The following MRI1 variants were observed in gnomAD, a reference collection of about 807,000 sequenced individuals.
MRI1 encodes methylthioribose-1-phosphate isomerase.
A neutral mutation model predicts 27.3 loss-of-function variants in MRI1; 32 were observed. That is an observed-to-expected ratio of 1.17 (90% CI 0.88 to 1.57). The LOEUF (loss-of-function observed/expected upper bound fraction) is 1.57, where lower values mean the gene tolerates loss of function less well. MRI1 is among the 40% of genes most tolerant of loss of function. The probability of loss-of-function intolerance (pLI) is 0.00; values close to 1 mark genes in which losing one functional copy is unlikely to be tolerated. For synonymous variants in MRI1, 216 were observed against 227.4 expected, an observed-to-expected ratio of 0.95 and a Z score of 0.45; for missense variants, 508 against 516.1, an observed-to-expected ratio of 0.98 and a Z score of 0.15.
intron 5 of MRI1, 22 bp downstream of exon 5, chr19:13,769,070 G>A (rs1340440946): frequency 6.3e-7 from 1 of 1,581,802 alleles, no homozygotes; most frequent in Non-Finnish European, 8.6e-7. Flanking sequence ...CCTCAGAAAG[G>A]GGACACCCCA....
intron 3 of MRI1, chr19:13,768,222 G>A: frequency 1.5e-6 from 1 of 678,514 alleles, no homozygotes; most frequent in Non-Finnish European, 2.7e-6. Context: ...CATAGAAAAG[G>A]GGGGCTGCCT....
chr19:13,766,101 G>A lies in MRI1; in HGVS notation c.519G>A (p.Leu173=). 6.2e-7 allele frequency: 1 copy of A among 1,601,726 alleles called. No homozygotes were observed. The highest frequency in any genetic ancestry group is 8.5e-7 in the Non-Finnish European group (1 of 1,172,566). Residue 173 remains leucine (L), a synonymous_variant, in exon 3 of 6, where the codon CTG becomes CTA. Coordinates refer to ENST00000040663, the MANE Select transcript of MRI1 (RefSeq NM_001031727.4). ...TGACCCACTGTAACACTGGTGCTCT[G>A]GCCACCGCTGGCTATGGTACAGCCC... is the stretch of plus-strand genomic sequence containing the variant. ...TVLTHCNTGA[L]ATAGYGTALG...
intron 5 of MRI1, among the ~76,000 whole-genome samples, chr19:13,770,241 C>G (rs1438835955): frequency 1.3e-5 from 2 of 152,298 alleles, no homozygotes; most frequent in South Asian, 4.1e-4. Flanking sequence ...AACCCAAGGG[C>G]GGTCAGTGAA....
intron 5 of MRI1, 47 bp from the exon 6 acceptor site, chr19:13,772,074 C>T: frequency 1.3e-6 from 2 of 1,550,918 alleles, no homozygotes; most frequent in Non-Finnish European, 1.7e-6. Context: ...TGAGAACTTT[C>T]ACAGAAGCAA....
In MRI1 at chr19:13,765,916, T is replaced by G. The variant is rs28420627; in HGVS notation, c.372-38T>G. On this transcript the variant is annotated intron_variant, in intron 2 of 5. Coordinates refer to ENST00000040663, the MANE Select transcript of MRI1 (RefSeq NM_001031727.4). ...AGGAGGCGTTGGCCTGGGCCCCGGG[T>G]CCTGGTGGCTGGTGCTGAAAACTCC... 17,200 of 1,551,448 alleles carry G rather than the reference T, an allele frequency of 0.011. 1,572 individuals carry two copies. The African/African-American group carries it at 0.2, about 18-fold the overall frequency.
chr19:13,769,466 C>T (rs989387210), intron 5 of MRI1, among the ~76,000 whole-genome samples: 1 of 152,018 alleles, frequency 6.6e-6, no homozygotes, highest in Non-Finnish European at 1.5e-5. Flanking sequence ...ACGCCTGGCC[C>T]AAGCCACTTC....
intron 5 of MRI1, among the ~76,000 whole-genome samples, chr19:13,770,146 T>C (rs1974239671): frequency 6.6e-6 from 1 of 152,146 alleles, no homozygotes; most frequent in African/African-American, 2.4e-5. Flanking sequence ...GTGCAACCGT[T>C]AGCAAGTTCC....
Position 13,772,443 on chromosome 19 carries a change from C to A in MRI1, c.*162C>A. On this transcript the variant is annotated 3_prime_UTR_variant, in exon 6 of 6. Coordinates refer to ENST00000040663, the MANE Select transcript of MRI1 (RefSeq NM_001031727.4). ...GCCCAGCACCTAGAGCCAGGCTGCC[C>A]AGATTCAAATCCTGACTCCGCCACT... is the stretch of plus-strand genomic sequence containing the variant. 1.6e-6 allele frequency: 1 copy of A among 623,758 alleles called. No individual in the cohort carries two copies. Among genetic ancestry groups the A allele is most frequent in the East Asian group, 3.0e-5 (1 of 32,856 alleles). The allele number at this position is 623,758 out of a possible 1,614,324, so 38.6% of individuals were successfully genotyped here.
In MRI1 at chr19:13,773,198, A is replaced by C. The variant is rs1162734961; in HGVS notation, c.*917A>C. On this transcript the variant is annotated 3_prime_UTR_variant, in exon 6 of 6. Transcript: ENST00000040663. ...TAATTTTTCTATTTTTAGTAGAGAC[A>C]TGATTTCACCATGTTGGCCAGGCTG... 6.6e-6 allele frequency: 1 copy of C among 152,044 alleles called. No homozygotes were observed. Among genetic ancestry groups the C allele is most frequent in the African/African-American group, 2.4e-5 (1 of 41,396 alleles). 9.4% of individuals were successfully genotyped at this position (152,044 alleles called of 1,614,324 possible). A position where few individuals can be genotyped will look rare whatever the true frequency, so the allele number is the denominator to read the frequency against.
intron 5 of MRI1, among the ~76,000 whole-genome samples, chr19:13,770,433 A>G (rs1044895779): frequency 9.2e-5 from 14 of 151,992 alleles, no homozygotes; most frequent in African/African-American, 3.4e-4. Flanking sequence ...AAAAAAATAT[A>G]AAAATTAGCC....
At chr19:13,772,018 T>C in intron 5 of MRI1, 103 bp from the exon 6 acceptor site, 1 of 1,132,240 alleles carries the variant, frequency 8.8e-7, no homozygotes, top group Non-Finnish European at 1.3e-6. Flanking sequence ...TCTCAAGGAC[T>C]CCCCAACTCC....
In MRI1 at chr19:13,765,001, C is replaced by T. The variant is rs981976310; in HGVS notation, c.263C>T (p.Thr88Ile). ...CGCGACAAGCTGAGCTTCCTCGTCA[C>T]CGCCCGGCCCACCGCTGTCAACATG... ...FVRDKLSFLV[T>I]ARPTAVNMAR... Residue 88 changes from threonine to isoleucine, a missense_variant, in exon 2 of 6, where the codon ACC (threonine) becomes ATC (isoleucine). Thr to Ile is a moderately conservative substitution (Grantham distance 89, BLOSUM62 -1). Coordinates refer to ENST00000040663, the MANE Select transcript of MRI1 (RefSeq NM_001031727.4). 6.6e-7 allele frequency: 1 copy of T among 1,523,104 alleles called. No individual in the cohort carries two copies. The highest frequency in any genetic ancestry group is 8.8e-7 in the Non-Finnish European group (1 of 1,140,910). The allele number at this position is 1,523,104 out of a possible 1,614,324, so 94.3% of individuals were successfully genotyped here.
chr19:13,771,355 A>G (rs1176724250), intron 5 of MRI1, among the ~76,000 whole-genome samples: 1 of 151,878 alleles, frequency 6.6e-6, no homozygotes, highest in Non-Finnish European at 1.5e-5. Context: ...TGACAAGAGC[A>G]AAACTCCATC....
Position 13,772,231 on chromosome 19 carries a change from A to G in MRI1, c.1060A>G (p.Thr354Ala), listed in dbSNP as rs1337306374. ...FAPEELRTAL[T>A]TTISSRDGTL... ...CCCTGAGGAGCTCCGGACAGCCCTA[A>G]CCACCACCATCTCTTCCAGGGATGG... Residue 354 changes from threonine to alanine, a missense_variant, in exon 6 of 6, where the codon ACC becomes GCC. Coordinates refer to ENST00000040663, the MANE Select transcript of MRI1 (RefSeq NM_001031727.4). 6.2e-7 allele frequency: 1 copy of G among 1,613,916 alleles called. No homozygotes were observed. The highest frequency in any genetic ancestry group is 8.5e-7 in the Non-Finnish European group (1 of 1,179,986).
chr19:13,765,857 CAGG>C, intron 2 of MRI1, 94 bp from the exon 3 acceptor site: 1 of 1,358,128 alleles, frequency 7.4e-7, no homozygotes, highest in Non-Finnish European at 1.0e-6. Flanking sequence ...AGGCTTTGAG[CAGG>C]AGGGCTCCAG....
intron 3 of MRI1, among the ~76,000 whole-genome samples, chr19:13,768,017 C>T (rs986255982): frequency 2.0e-5 from 3 of 151,592 alleles, no homozygotes; most frequent in Non-Finnish European, 4.4e-5. Context: ...TACAGGTGCC[C>T]GCCACCACGC....
At position 13,768,753 on chromosome 19, in the gene MRI1, G is replaced by A; in HGVS notation, c.724+16G>A. Reference sequence around the variant, plus strand: ...GGCGTGTCAGGTAAGCAGACGGTAAGCCCTGGGGGCGGGGCTCTGGAGCAT... The same window carrying A: ...GGCGTGTCAGGTAAGCAGACGGTAAACCCTGGGGGCGGGGCTCTGGAGCAT... On this transcript the variant is annotated intron_variant, in intron 4 of 5. Coordinates refer to ENST00000040663, the MANE Select transcript of MRI1 (RefSeq NM_001031727.4). 1 of 1,605,602 alleles carries A rather than the reference G, an allele frequency of 6.2e-7. No individual in the cohort carries two copies.
intron 5 of MRI1, among the ~76,000 whole-genome samples, chr19:13,771,152 G>A (rs1172311545): frequency 1.3e-5 from 2 of 151,326 alleles, no homozygotes; most frequent in African/African-American, 2.4e-5. Flanking sequence ...GAGGTCAGGG[G>A]TTCGAGACCA....
At chr19:13,771,216 C>T (rs539234475) in intron 5 of MRI1, among the ~76,000 whole-genome samples, 7 of 146,460 alleles carry the variant, frequency 4.8e-5, no homozygotes, top group African/African-American at 1.5e-4. Flanking sequence ...AAAAAAAAAA[C>T]GTTAGCTGGG....
Sources: gnomAD v4.1 joint callset for allele counts (sites outside exome capture counted in the v4.1 genomes callset) on GRCh38, gnomAD v4.1.1 for gene constraint, MANE v1.5 for transcripts, NCBI Gene and HGNC (gene_info 2026-07-23, HGNC 2026-07-21) for gene names.